FAF2: variants seen among roughly 807,000 people sequenced by gnomAD.
The protein encoded by FAF2 is Fas associated factor family member 2, also known as FAS-associated factor 2.
A neutral mutation model predicts 62.3 loss-of-function variants in FAF2; 9 were observed. That is an observed-to-expected ratio of 0.14 (90% CI 0.09 to 0.25). The LOEUF (loss-of-function observed/expected upper bound fraction) is 0.25. Ranked by LOEUF, FAF2 falls within the 10% of genes least tolerant of loss-of-function variation. FAF2 has a pLI of 1.00. For synonymous variants in FAF2, 202 were observed against 198.0 expected (o/e 1.02, Z -0.17); for missense variants, 368 against 556.2 (o/e 0.66, Z 3.40).
chr5:176,495,382 G>A (rs759010319), intron 7 of FAF2, among the ~76,000 whole-genome samples: 28 of 152,170 alleles, frequency 1.8e-4, no homozygotes, highest in Admixed American at 7.9e-4. Context: ...GGGCAGAAGG[G>A]AGGTTGTGAA....
chr5:176,499,854 A>T, intron 9 of FAF2, 149 bp from the exon 10 acceptor site: 1 of 844,582 alleles, frequency 1.2e-6, no homozygotes, highest in Non-Finnish European at 1.8e-6. Flanking sequence ...ATTGTACTTT[A>T]AATTTAGGTT....
chr5:176,499,016 G>A lies in FAF2; in HGVS notation c.942G>A (p.Glu314=), dbSNP rs1219938506. Reference sequence around the variant, plus strand: ...AGAAAGAAAGAAAGAAACGGGAGGAGCGGGAGCGTAAGCGGCGGAAGGAGG... The same window carrying A: ...AGAAAGAAAGAAAGAAACGGGAGGAACGGGAGCGTAAGCGGCGGAAGGAGG... ...DQEKERKKRE[E]RERKRRKEEE... is the part of the protein sequence containing the mutation. The change falls in exon 9 of 11, where the codon GAG becomes GAA. Residue 314 remains glutamate (E), a synonymous_variant. Transcript: ENST00000261942. 4.3e-6 allele frequency: 7 copies of A among 1,613,384 alleles called. No individual in the cohort carries two copies. In the Middle Eastern group the frequency reaches 4.9e-4, roughly 114 times the overall value.
intron 3 of FAF2, among the ~76,000 whole-genome samples, chr5:176,487,975 T>C (rs1394367846): frequency 6.6e-6 from 1 of 152,126 alleles, no homozygotes; most frequent in East Asian, 1.9e-4. Flanking sequence ...CCTGAGTAGC[T>C]GGGATTACAG....
At chr5:176,483,549 GGGACTACCTGATATTA>G (rs1758818771) in intron 2 of FAF2, among the ~76,000 whole-genome samples, 1 of 152,094 alleles carries the variant, frequency 6.6e-6, no homozygotes, top group Admixed American at 6.6e-5. Context: ...GTAAAACTAG[GGGACTACCTGATATTA>G]GCCAAATTTC....
chr5:176,453,378 G>C (rs1241245931), intron 1 of FAF2: 1 of 152,230 alleles, frequency 6.6e-6, no homozygotes. Context: ...AATTAAAGGA[G>C]TTATGCAGGC....
intron 3 of FAF2, among the ~76,000 whole-genome samples, chr5:176,487,453 A>T (rs1473555672): frequency 6.6e-6 from 1 of 151,982 alleles, no homozygotes; most frequent in African/African-American, 2.4e-5. Flanking sequence ...AAAGTGCTGG[A>T]ATTACAGGCT....
chr5:176,505,628 C>T (rs1262592253), intron 10 of FAF2, among the ~76,000 whole-genome samples: 2 of 152,196 alleles, frequency 1.3e-5, no homozygotes, highest in Non-Finnish European at 2.9e-5. Context: ...CACTCTTCCA[C>T]ACAAGTCCCC....
intron 3 of FAF2, among the ~76,000 whole-genome samples, chr5:176,488,127 G>A (rs925053103): frequency 2.0e-5 from 3 of 152,114 alleles, no homozygotes; most frequent in Non-Finnish European, 2.9e-5. Flanking sequence ...ACAAGTGTGA[G>A]CCACCACACC....
chr5:176,493,939 C>A, intron 5 of FAF2, 60 bp from the exon 6 acceptor site: 1 of 1,196,248 alleles, frequency 8.4e-7, no homozygotes, highest in Non-Finnish European at 1.2e-6. Context: ...GGACCCTTAG[C>A]TTAAATATAA....
At chr5:176,477,234 C>T (rs1235395212) in intron 1 of FAF2, among the ~76,000 whole-genome samples, 5 of 139,360 alleles carry the variant, frequency 3.6e-5, no homozygotes, top group African/African-American at 8.1e-5. Context: ...CATGAGCCAC[C>T]GTGCCCGGCC....
rs371059331 is a variant in FAF2 at position 176,505,273 on chromosome 5, G to T, written c.1156-1495G>T. Among the ~76,000 whole-genome samples, 5 of 152,180 alleles carry T rather than the reference G, an allele frequency of 3.3e-5. No individual in the cohort carries two copies. In the East Asian group the frequency reaches 9.6e-4, roughly 29 times the overall value. On this transcript the variant is annotated intron_variant, in intron 10 of 10. Transcript: ENST00000261942. ...CTAGATGGAGAGGCCACAGAGCAGG[G>T]ACAGGGAGAGATGACAGTGGCCTGT...
chr5:176,506,985 C>G lies in FAF2; in HGVS notation c.*35C>G. ...CTTCCTGTCCCCTCCTACCCCAGTC[C>G]CTAAAAGAAATGGGGAAAAAAGAAA... On this transcript the variant is annotated 3_prime_UTR_variant, in exon 11 of 11. Coordinates refer to ENST00000261942, the MANE Select transcript of FAF2 (RefSeq NM_014613.3). The G allele has an allele frequency of 7.4e-7, 1 of 1,356,402 alleles. No homozygotes were observed. Among genetic ancestry groups the G allele is most frequent in the Non-Finnish European group, 9.6e-7 (1 of 1,041,824 alleles). 84.0% of individuals were successfully genotyped at this position (1,356,402 alleles called of 1,614,324 possible).
At chr5:176,483,184 A>G (rs187386060) in intron 2 of FAF2, among the ~76,000 whole-genome samples, 5 of 152,116 alleles carry the variant, frequency 3.3e-5, no homozygotes, top group Admixed American at 6.6e-5. Context: ...AGCCTCCCTG[A>G]CACCTCAGAC....
chr5:176,460,146 A>T (rs1448339152), intron 1 of FAF2, among the ~76,000 whole-genome samples: 1 of 152,188 alleles, frequency 6.6e-6, no homozygotes, highest in East Asian at 1.9e-4. Flanking sequence ...ATGGGCATCT[A>T]GGTTGATTCC....
At chr5:176,449,700 A>G (rs1228537318) in intron 1 of FAF2, among the ~76,000 whole-genome samples, 1 of 152,202 alleles carries the variant, frequency 6.6e-6, no homozygotes, top group Non-Finnish European at 1.5e-5. Context: ...TTGACTTAGG[A>G]TAGACCTAAA....
At chr5:176,482,257 G>A (rs1758792882) in intron 2 of FAF2, among the ~76,000 whole-genome samples, 1 of 149,916 alleles carries the variant, frequency 6.7e-6, no homozygotes, top group African/African-American at 2.5e-5. Flanking sequence ...TCACTCTGTG[G>A]CACAGGCTAG....
chr5:176,496,337 G>A, intron 7 of FAF2, 149 bp from the exon 8 acceptor site: 1 of 536,480 alleles, frequency 1.9e-6, no homozygotes. Context: ...AAGAAACTAG[G>A]AGGCGGGGAA....
At chr5:176,479,069 C>T (rs1703970550) in intron 1 of FAF2, 119 bp from the exon 2 acceptor site, 1 of 807,864 alleles carries the variant, frequency 1.2e-6, no homozygotes, top group African/African-American at 1.7e-5. Context: ...TTTTACCATA[C>T]TTTAACACTC....
intron 10 of FAF2, among the ~76,000 whole-genome samples, chr5:176,504,633 C>T (rs1246493743): frequency 6.6e-6 from 1 of 151,554 alleles, no homozygotes; most frequent in Non-Finnish European, 1.5e-5. Flanking sequence ...ACCAAGAATA[C>T]TTGGTGTAAG....
Sources: allele counts gnomAD v4.1 joint callset (sites outside exome capture counted in the v4.1 genomes callset), GRCh38; gene constraint gnomAD v4.1.1; transcripts MANE v1.5; gene names NCBI Gene and HGNC (gene_info 2026-07-23, HGNC 2026-07-21).